The following DNAJC6 variants were observed in gnomAD, a reference collection of about 807,000 sequenced individuals.
The protein encoded by DNAJC6 is auxilin.
In DNAJC6, 34 loss-of-function variants were observed where a neutral mutation model predicts 110.0. The observed-to-expected ratio is 0.31, with a 90% CI of 0.24 to 0.41. DNAJC6 has a LOEUF of 0.41. Ranked by LOEUF, DNAJC6 falls within the 10% of genes least tolerant of loss-of-function variation. The pLI is 1.00. For missense variants in DNAJC6, 1,031 were observed against 1,207.8 expected, an observed-to-expected ratio of 0.85 and a Z score of 2.17; for synonymous variants, 406 against 437.2, an observed-to-expected ratio of 0.93 and a Z score of 0.89.
At chr1:65,320,545 C>T (rs149665684) in intron 1 of DNAJC6, among the ~76,000 whole-genome samples, 71 of 152,258 alleles carry the variant, frequency 4.7e-4, no homozygotes, top group African/African-American at 1.7e-3. Context: ...TTCATAGGCA[C>T]AGTGGAATGT....
At chr1:65,285,904 C>T (rs1009489616) in intron 1 of DNAJC6, among the ~76,000 whole-genome samples, 35 of 152,216 alleles carry the variant, frequency 2.3e-4, no homozygotes, top group African/African-American at 2.4e-5. Flanking sequence ...CTCCTGGCCT[C>T]GAGTGATCTG....
At chr1:65,345,422 T>C (rs1645428359) in intron 1 of DNAJC6, among the ~76,000 whole-genome samples, 1 of 152,188 alleles carries the variant, frequency 6.6e-6, no homozygotes, top group Admixed American at 6.5e-5. Flanking sequence ...GGATATTATC[T>C]ACCTCCATTT....
chr1:65,269,141 G>T (rs1653425967), intron 1 of DNAJC6, among the ~76,000 whole-genome samples: 1 of 152,090 alleles, frequency 6.6e-6, no homozygotes. Context: ...GGCTGAGGTG[G>T]CAGATCACTT....
At chr1:65,355,882 C>CT (rs372078909) in intron 1 of DNAJC6, among the ~76,000 whole-genome samples, 47,130 of 82,848 alleles carry the variant, frequency 0.57, 14,869 homozygotes, top group East Asian at 0.58. Flanking sequence ...AACAGCATGG[C>CT]TTTTTTTTTT....
intron 1 of DNAJC6, among the ~76,000 whole-genome samples, chr1:65,341,190 C>A (rs2101485494): frequency 6.6e-6 from 1 of 152,292 alleles, no homozygotes; most frequent in East Asian, 1.9e-4. Context: ...GATGTGAAGA[C>A]CGATACCAGA....
chr1:65,321,905 T>A (rs924605360), intron 1 of DNAJC6, among the ~76,000 whole-genome samples: 1 of 152,090 alleles, frequency 6.6e-6, no homozygotes, highest in Non-Finnish European at 1.5e-5. Flanking sequence ...ACAGGAAAAG[T>A]TGGGTTTTAA....
intron 1 of DNAJC6, chr1:65,278,998 AACAG>A (rs1653761709): frequency 3.0e-6 from 3 of 985,244 alleles, no homozygotes; most frequent in Non-Finnish European, 3.6e-6. Flanking sequence ...GCAGTTTAAA[AACAG>A]ACACTTTTAT....
chr1:65,277,437 C>A (rs1011770534), intron 1 of DNAJC6, among the ~76,000 whole-genome samples: 1 of 152,064 alleles, frequency 6.6e-6, no homozygotes, highest in Non-Finnish European at 1.5e-5. Flanking sequence ...TTGTAATTGT[C>A]GACTCTCACC....
intron 16 of DNAJC6, among the ~76,000 whole-genome samples, 197 bp downstream of exon 16, chr1:65,406,330 G>A (rs1268032267): frequency 1.6e-5 from 2 of 124,782 alleles, no homozygotes; most frequent in Non-Finnish European, 3.3e-5. Context: ...GGTTGACTAT[G>A]CTCCTAACTT....
chr1:65,394,786 A>G, intron 12 of DNAJC6, 112 bp from the exon 13 acceptor site: 1 of 1,311,018 alleles, frequency 7.6e-7, no homozygotes, highest in Non-Finnish European at 1.0e-6. Context: ...TTTGTCCACA[A>G]AGATAGGAAA....
chr1:65,356,397 C>T (rs1427247503), intron 1 of DNAJC6, among the ~76,000 whole-genome samples: 1 of 151,748 alleles, frequency 6.6e-6, no homozygotes, highest in Non-Finnish European at 1.5e-5. Flanking sequence ...CATGGTGAAA[C>T]CCTGTCTCTA....
Position 65,411,295 on chromosome 1 carries a change from C to T in DNAJC6, c.2680C>T (p.Leu894Phe). The T allele has an allele frequency of 1.2e-6, 2 of 1,614,026 alleles. No homozygotes were observed. Among genetic ancestry groups the T allele is most frequent in the Non-Finnish European group, 1.7e-6 (2 of 1,179,942 alleles). ...EGKERNIRAL[L>F]STMHTVLWAG... ...CAAAGAAAGAAATATCAGAGCCCTT[C>T]TTTCCACGATGCATACCGTACTATG... Residue 894 changes from leucine to phenylalanine, a missense_variant, in exon 18 of 19, where the codon CTT (leucine) becomes TTT (phenylalanine). Coordinates refer to ENST00000371069, the MANE Select transcript of DNAJC6 (RefSeq NM_001256864.2).
intron 13 of DNAJC6, among the ~76,000 whole-genome samples, chr1:65,395,811 G>A (rs1370566069): frequency 6.6e-6 from 1 of 152,206 alleles, no homozygotes; most frequent in Non-Finnish European, 1.5e-5. Context: ...TATAGAAAGA[G>A]TAATAATAAT....
At chr1:65,266,685 T>C (rs1373011422) in intron 1 of DNAJC6, among the ~76,000 whole-genome samples, 2 of 151,954 alleles carry the variant, frequency 1.3e-5, no homozygotes, top group African/African-American at 4.8e-5. Flanking sequence ...GAGAAAGGGT[T>C]TCTGGAGAGA....
intron 1 of DNAJC6, among the ~76,000 whole-genome samples, chr1:65,272,054 C>G (rs1235170833): frequency 6.6e-6 from 1 of 151,936 alleles, no homozygotes; most frequent in African/African-American, 2.4e-5. Flanking sequence ...ACTTTTTCCC[C>G]TTTGTCTCAT....
intron 1 of DNAJC6, among the ~76,000 whole-genome samples, chr1:65,295,050 G>T (rs1644916078): frequency 6.6e-6 from 1 of 152,188 alleles, no homozygotes; most frequent in Admixed American, 6.5e-5. Context: ...ATCCAATTAT[G>T]TGAGGAAATC....
intron 1 of DNAJC6, among the ~76,000 whole-genome samples, chr1:65,353,054 T>A (rs937333040): frequency 6.6e-6 from 1 of 152,182 alleles, no homozygotes; most frequent in African/African-American, 2.4e-5. Context: ...CTATCTCTAT[T>A]CTCTATCATA....
intron 1 of DNAJC6, among the ~76,000 whole-genome samples, chr1:65,361,394 A>G (rs1306671511): frequency 2.0e-5 from 3 of 152,214 alleles, no homozygotes; most frequent in Non-Finnish European, 4.4e-5. Flanking sequence ...GTTAGGTATC[A>G]ATAGCTCTTA....
chr1:65,318,913 G>A (rs1333334233), intron 1 of DNAJC6, among the ~76,000 whole-genome samples: 1 of 152,194 alleles, frequency 6.6e-6, no homozygotes, highest in African/African-American at 2.4e-5. Context: ...CCCCAAGCAT[G>A]TTTGATTTAG....
Sources: gnomAD v4.1 joint callset for allele counts (sites outside exome capture counted in the v4.1 genomes callset) on GRCh38, gnomAD v4.1.1 for gene constraint, MANE v1.5 for transcripts, NCBI Gene and HGNC (gene_info 2026-07-23, HGNC 2026-07-21) for gene names.